HMGCLL1: variants seen among roughly 807,000 people sequenced by gnomAD.
HMGCLL1 encodes 3-hydroxy-3-methylglutaryl-CoA lyase like 1.
In HMGCLL1, 36 loss-of-function variants were observed where a neutral mutation model predicts 39.1. The ratio of observed to expected loss-of-function variants is 0.92; its 90% CI spans 0.71 to 1.22. The LOEUF is 1.22. Ranked by LOEUF, HMGCLL1 falls within the 50% of genes most tolerant of loss-of-function variation. The pLI is 0.00. For missense variants in HMGCLL1, 451 were observed against 416.5 expected (o/e 1.08, Z -0.72); for synonymous variants, 149 against 144.0 (o/e 1.03, Z -0.25).
intron 1 of HMGCLL1, among the ~76,000 whole-genome samples, chr6:55,557,973 T>G (rs1001702725): frequency 1.3e-5 from 2 of 152,124 alleles, no homozygotes; most frequent in African/African-American, 4.8e-5. Flanking sequence ...CTGTCAAAAA[T>G]ACTGGTGCCT....
chr6:55,619,621 G>T, the HMGCLL1 span, among the ~76,000 whole-genome samples: 1 of 152,138 alleles, frequency 6.6e-6, no homozygotes, highest in Middle Eastern at 3.4e-3. Context: ...TTTGATACAG[G>T]CGTACTATGT....
chr6:55,515,471 GTGT>G (rs1052886438), intron 4 of HMGCLL1, among the ~76,000 whole-genome samples: 2 of 151,988 alleles, frequency 1.3e-5, no homozygotes, highest in Non-Finnish European at 2.9e-5. Flanking sequence ...TGTAAACTAA[GTGT>G]TGTTATGCCA....
At chr6:55,585,655 A>G in the HMGCLL1 span, among the ~76,000 whole-genome samples, 1 of 152,086 alleles carries the variant, frequency 6.6e-6, no homozygotes, top group African/African-American at 2.4e-5. Flanking sequence ...TAACTGCTCA[A>G]TAACTCAGCT....
the HMGCLL1 span, among the ~76,000 whole-genome samples, chr6:55,620,791 G>C: frequency 2.7e-4 from 41 of 151,910 alleles, no homozygotes; most frequent in Non-Finnish European, 4.7e-4. Context: ...GTTTTGTTTT[G>C]ATTTGATTTT....
chr6:55,652,369 A>T, the HMGCLL1 span, among the ~76,000 whole-genome samples: 1 of 145,316 alleles, frequency 6.9e-6, no homozygotes, highest in East Asian at 1.9e-4. Flanking sequence ...ATCTGTAGGT[A>T]AATAAAAACT....
the HMGCLL1 span, among the ~76,000 whole-genome samples, chr6:55,660,864 C>G: frequency 6.6e-6 from 1 of 151,990 alleles, no homozygotes; most frequent in African/African-American, 2.4e-5. Flanking sequence ...CACTTTTCTT[C>G]TTAACCTTGC....
At chr6:55,476,720 T>C (rs1765302998) in intron 7 of HMGCLL1, among the ~76,000 whole-genome samples, 1 of 151,692 alleles carries the variant, frequency 6.6e-6, no homozygotes, top group South Asian at 2.1e-4. Context: ...TCCAACTTGG[T>C]TGAAATGGAT....
At chr6:55,622,455 GT>G in the HMGCLL1 span, among the ~76,000 whole-genome samples, 1 of 152,028 alleles carries the variant, frequency 6.6e-6, no homozygotes, top group African/African-American at 2.4e-5. Context: ...TCTAAACCCA[GT>G]TTTTTGATGG....
At chr6:55,595,941 G>T in the HMGCLL1 span, among the ~76,000 whole-genome samples, 1 of 152,244 alleles carries the variant, frequency 6.6e-6, no homozygotes, top group Non-Finnish European at 1.5e-5. Context: ...CTTTGTGAAT[G>T]AAATACTTTG....
chr6:55,464,805 G>C (rs1764729785), intron 7 of HMGCLL1, among the ~76,000 whole-genome samples: 1 of 152,082 alleles, frequency 6.6e-6, no homozygotes, highest in Non-Finnish European at 1.5e-5. Context: ...AGTCCTGGAG[G>C]CTGCTTTATT....
chr6:55,549,151 T>TA (rs113702498), intron 1 of HMGCLL1, among the ~76,000 whole-genome samples: 100,636 of 151,364 alleles, frequency 0.66, 33,966 homozygotes, highest in Admixed American at 0.72. Context: ...TCATTACAAT[T>TA]ACAATCATTA....
At chr6:55,647,472 C>T in the HMGCLL1 span, among the ~76,000 whole-genome samples, 3 of 151,608 alleles carry the variant, frequency 2.0e-5, no homozygotes, top group African/African-American at 7.3e-5. Flanking sequence ...TCTTCTCTTC[C>T]TTCTTTTCTC....
the HMGCLL1 span, among the ~76,000 whole-genome samples, chr6:55,587,744 G>A: frequency 2.1e-3 from 313 of 152,010 alleles, no homozygotes; most frequent in Admixed American, 4.9e-3. Context: ...AAAAGGCAGG[G>A]GTTGCAATCC....
chr6:55,664,542 AT>A, the HMGCLL1 span, among the ~76,000 whole-genome samples: 2 of 151,706 alleles, frequency 1.3e-5, no homozygotes, highest in Non-Finnish European at 2.9e-5. Flanking sequence ...GTAAAATCCT[AT>A]TTGTATTTTT....
the HMGCLL1 span, among the ~76,000 whole-genome samples, chr6:55,610,666 A>G: frequency 3.3e-5 from 5 of 152,326 alleles, no homozygotes; most frequent in Admixed American, 3.3e-4. Flanking sequence ...CAACATTCAA[A>G]TTCAGGAAAT....
the HMGCLL1 span, among the ~76,000 whole-genome samples, chr6:55,626,989 C>G: frequency 1.4e-5 from 2 of 146,548 alleles, no homozygotes; most frequent in Non-Finnish European, 3.0e-5. Flanking sequence ...ACAGCCCAAT[C>G]CAGTCAAGAC....
the HMGCLL1 span, among the ~76,000 whole-genome samples, chr6:55,622,200 A>G: frequency 6.6e-6 from 1 of 152,110 alleles, no homozygotes; most frequent in African/African-American, 2.4e-5. Flanking sequence ...CAAATATACA[A>G]TGATGTCATC....
chr6:55,440,618 C>A lies in HMGCLL1; in HGVS notation c.796-1059G>T, dbSNP rs1014784889. On this transcript the variant is annotated intron_variant, in intron 7 of 8. Transcript: ENST00000274901. ...ATCAGAAGATACAGTAAAGCCTAATCCGATTCTTCACTCTTGGGCATTAAA... is the reference window on the plus strand; with the variant it reads ...ATCAGAAGATACAGTAAAGCCTAATACGATTCTTCACTCTTGGGCATTAAA... Among the ~76,000 whole-genome samples the A allele has an allele frequency of 6.6e-5, 10 of 152,042 alleles. 1 individual carries two copies. Among genetic ancestry groups the A allele is most frequent in the African/African-American group, 2.4e-4 (10 of 41,408 alleles).
At chr6:55,463,188 C>T (rs1764655243) in intron 7 of HMGCLL1, among the ~76,000 whole-genome samples, 1 of 151,864 alleles carries the variant, frequency 6.6e-6, no homozygotes. Context: ...TGCCACCATG[C>T]CTGGCTAATT....
Sources: gnomAD v4.1 joint callset for allele counts (sites outside exome capture counted in the v4.1 genomes callset) on GRCh38, gnomAD v4.1.1 for gene constraint, MANE v1.5 for transcripts, NCBI Gene and HGNC (gene_info 2026-07-23, HGNC 2026-07-21) for gene names.